The following GABRB1 variants were observed in gnomAD, a reference collection of about 807,000 sequenced individuals.
The protein encoded by GABRB1 is gamma-aminobutyric acid receptor subunit beta-1.
In GABRB1, 17 loss-of-function variants were observed where a neutral mutation model predicts 51.6. That is an observed-to-expected ratio of 0.33 (90% confidence interval 0.23 to 0.49). The LOEUF (loss-of-function observed/expected upper bound fraction) is 0.49, where lower values mean the gene tolerates loss of function less well. GABRB1 is among the 20% of genes least tolerant of loss of function. The probability of loss-of-function intolerance (pLI) is 0.99; values close to 1 mark genes in which losing one functional copy is unlikely to be tolerated. For synonymous variants in GABRB1, 247 were observed against 218.9 expected, an observed-to-expected ratio of 1.13 and a Z score of -1.14; for missense variants, 410 against 600.6, an observed-to-expected ratio of 0.68 and a Z score of 3.32.
At chr4:47,065,604 T>C (rs1727042983) in intron 3 of GABRB1, among the ~76,000 whole-genome samples, 1 of 152,276 alleles carries the variant, frequency 6.6e-6, no homozygotes, top group Non-Finnish European at 1.5e-5. Context: ...AATTTCTCTG[T>C]TTTAAATTCT....
chr4:47,318,545 C>T (rs1328453941), intron 4 of GABRB1, among the ~76,000 whole-genome samples: 1 of 152,060 alleles, frequency 6.6e-6, no homozygotes, highest in Admixed American at 6.5e-5. Context: ...CTCTGGTCCA[C>T]TTACATTCAG....
intron 4 of GABRB1, among the ~76,000 whole-genome samples, chr4:47,276,469 C>T (rs760069713): frequency 1.8e-4 from 27 of 152,110 alleles, no homozygotes; most frequent in African/African-American, 5.5e-4. Flanking sequence ...CCATCTGTCC[C>T]GAGAAATAGT....
intron 4 of GABRB1, among the ~76,000 whole-genome samples, chr4:47,297,825 A>C (rs990523924): frequency 1.3e-5 from 2 of 152,208 alleles, no homozygotes; most frequent in Admixed American, 6.5e-5. Context: ...TTTTAGACCA[A>C]TATCCTTGAT....
intron 4 of GABRB1, among the ~76,000 whole-genome samples, chr4:47,226,161 G>A (rs1020048969): frequency 3.3e-5 from 5 of 152,082 alleles, no homozygotes; most frequent in African/African-American, 1.2e-4. Flanking sequence ...TTCTGAGTGG[G>A]GAAATAGGTC....
In GABRB1 at chr4:47,120,736, T is replaced by A. The variant is rs1715738778; in HGVS notation, c.241-40513T>A. 3.3e-5 allele frequency among the ~76,000 whole-genome samples: 5 copies of A among 152,230 alleles called. No homozygotes were observed. The South Asian group carries it at 1.0e-3, about 32-fold the overall frequency. On this transcript the variant is annotated intron_variant, in intron 3 of 8. Transcript: ENST00000295454. The stretch of plus-strand genomic sequence containing the variant: ...GGTCCTTCCTCTCAAGGCAGCAGGT[T>A]CCCTTCTGACCAATTGTGTCTAGAG...
At chr4:47,052,613 G>A (rs2109510419) in intron 3 of GABRB1, among the ~76,000 whole-genome samples, 1 of 152,340 alleles carries the variant, frequency 6.6e-6, no homozygotes, top group Non-Finnish European at 1.5e-5. Flanking sequence ...AGATGGTGGA[G>A]TCCAAGAATT....
chr4:47,072,057 A>C (rs1727358684), intron 3 of GABRB1, among the ~76,000 whole-genome samples: 1 of 148,734 alleles, frequency 6.7e-6, no homozygotes, highest in African/African-American at 2.5e-5. Flanking sequence ...AAAAAAAAAA[A>C]CAAGTAGAAG....
chr4:47,423,386 A>G (rs1298957707), intron 8 of GABRB1, among the ~76,000 whole-genome samples: 1 of 152,192 alleles, frequency 6.6e-6, no homozygotes, highest in East Asian at 1.9e-4. Flanking sequence ...AGGCATCACC[A>G]TTCCCTAGCT....
intron 4 of GABRB1, among the ~76,000 whole-genome samples, chr4:47,208,981 G>A (rs1487441939): frequency 1.3e-5 from 2 of 151,894 alleles, no homozygotes; most frequent in African/African-American, 4.8e-5. Context: ...AATGGACTTG[G>A]TACTATCAGT....
At chr4:47,363,312 A>G (rs549419031) in intron 5 of GABRB1, among the ~76,000 whole-genome samples, 5 of 152,276 alleles carry the variant, frequency 3.3e-5, no homozygotes, top group African/African-American at 9.6e-5. Flanking sequence ...TTCAGAGCCC[A>G]TCTTCTAGAC....
At chr4:47,102,992 T>G (rs1487832533) in intron 3 of GABRB1, among the ~76,000 whole-genome samples, 1 of 151,972 alleles carries the variant, frequency 6.6e-6, no homozygotes, top group East Asian at 1.9e-4. Context: ...AAGGATAATT[T>G]CTAGTTTCCT....
At chr4:47,226,306 G>A (rs557870715) in intron 4 of GABRB1, among the ~76,000 whole-genome samples, 9 of 152,192 alleles carry the variant, frequency 5.9e-5, no homozygotes, top group East Asian at 1.9e-4. Context: ...TTTAAAATAA[G>A]GTATCAAGGA....
At chr4:47,353,139 C>T (rs978327284) in intron 5 of GABRB1, among the ~76,000 whole-genome samples, 1 of 152,190 alleles carries the variant, frequency 6.6e-6, no homozygotes, top group Admixed American at 6.5e-5. Context: ...ACTATGAGAA[C>T]AGTATGGGGG....
intron 4 of GABRB1, among the ~76,000 whole-genome samples, chr4:47,217,181 A>G (rs1720586332): frequency 6.6e-6 from 1 of 151,894 alleles, no homozygotes; most frequent in African/African-American, 2.4e-5. Flanking sequence ...TTGAAAATGA[A>G]AGCCACCAGT....
At chr4:47,135,005 G>T (rs1560551416) in intron 3 of GABRB1, among the ~76,000 whole-genome samples, 1 of 152,010 alleles carries the variant, frequency 6.6e-6, no homozygotes, top group African/African-American at 2.4e-5. Flanking sequence ...ATGTGCCCGT[G>T]TCTCAGATAC....
chr4:47,136,349 G>T (rs184949548), intron 3 of GABRB1, among the ~76,000 whole-genome samples: 1 of 152,032 alleles, frequency 6.6e-6, no homozygotes, highest in South Asian at 2.1e-4. Flanking sequence ...CTTATGTAAC[G>T]TTAGGGGATT....
At chr4:47,274,849 G>A (rs746459815) in intron 4 of GABRB1, among the ~76,000 whole-genome samples, 2 of 152,170 alleles carry the variant, frequency 1.3e-5, no homozygotes, top group Non-Finnish European at 2.9e-5. Context: ...TGTACTTGCT[G>A]TGTGGAGCTT....
intron 4 of GABRB1, among the ~76,000 whole-genome samples, chr4:47,304,610 C>T (rs556574725): frequency 5.1e-4 from 78 of 152,026 alleles, no homozygotes; most frequent in South Asian, 2.1e-3. Flanking sequence ...GTTTTCTAAA[C>T]AAATTGCTTT....
At chr4:47,125,836 T>G (rs1184198341) in intron 3 of GABRB1, among the ~76,000 whole-genome samples, 11 of 150,084 alleles carry the variant, frequency 7.3e-5, no homozygotes, top group African/African-American at 2.4e-4. Flanking sequence ...ATTACAGGCG[T>G]GAGCCACCGC....
Sources: allele counts gnomAD v4.1 joint callset (sites outside exome capture counted in the v4.1 genomes callset), GRCh38; gene constraint gnomAD v4.1.1; transcripts MANE v1.5; gene names NCBI Gene and HGNC (gene_info 2026-07-23, HGNC 2026-07-21).